The following ZSWIM5 variants were observed in gnomAD, a reference collection of about 807,000 sequenced individuals.
ZSWIM5 encodes zinc finger SWIM domain-containing protein 5.
In ZSWIM5, 55 loss-of-function variants were observed where a neutral mutation model predicts 119.6. That is an observed-to-expected ratio of 0.46 (90% CI 0.37 to 0.58). The LOEUF is 0.58. Among genes scored for constraint, ZSWIM5 ranks in the 20% least tolerant of loss-of-function variants. The pLI is 0.00. For synonymous variants in ZSWIM5, 537 were observed against 606.9 expected, an observed-to-expected ratio of 0.88 and a Z score of 1.69; for missense variants, 1,193 against 1,512.8, an observed-to-expected ratio of 0.79 and a Z score of 3.51.
At chr1:45,044,445 C>T (rs1334321951) in intron 5 of ZSWIM5, among the ~76,000 whole-genome samples, 2 of 150,768 alleles carry the variant, frequency 1.3e-5, no homozygotes, top group East Asian at 2.0e-4. Context: ...AAAATTGGGC[C>T]GGGTGCGGTG....
At chr1:45,201,067 A>C (rs1213106207) in intron 1 of ZSWIM5, among the ~76,000 whole-genome samples, 1 of 152,174 alleles carries the variant, frequency 6.6e-6, no homozygotes, top group Non-Finnish European at 1.5e-5. Flanking sequence ...GGCCATGTGA[A>C]AACAGACACA....
intron 2 of ZSWIM5, among the ~76,000 whole-genome samples, chr1:45,076,811 TCTGA>T (rs1402154503): frequency 6.6e-6 from 1 of 151,998 alleles, no homozygotes; most frequent in Non-Finnish European, 1.5e-5. Flanking sequence ...TTTCGTCTCC[TCTGA>T]CTGTGAATTT....
intron 2 of ZSWIM5, among the ~76,000 whole-genome samples, chr1:45,079,925 C>G (rs1645279028): frequency 6.6e-6 from 1 of 152,116 alleles, no homozygotes; most frequent in East Asian, 1.9e-4. Context: ...GTACAGGGAG[C>G]TAGGGCCTGG....
intron 10 of ZSWIM5, 147 bp downstream of exon 10, chr1:45,035,541 A>G (rs916329070): frequency 2.0e-5 from 21 of 1,046,664 alleles, no homozygotes; most frequent in Non-Finnish European, 2.4e-5. Context: ...TCATATAAAA[A>G]TATCTGAGCC....
Position 45,019,975 on chromosome 1 carries a change from A to G in ZSWIM5, c.2695+91T>C. The G allele has an allele frequency of 9.2e-7, 1 of 1,087,356 alleles. No homozygotes were observed. Among genetic ancestry groups the G allele is most frequent in the Non-Finnish European group, 1.4e-6 (1 of 720,732 alleles). 67.4% of individuals were successfully genotyped at this position (1,087,356 alleles called of 1,614,324 possible). A position where few individuals can be genotyped will look rare whatever the true frequency, so the allele number is the denominator to read the frequency against. On this transcript the variant is annotated intron_variant, in intron 13 of 13. Coordinates refer to ENST00000359600, the MANE Select transcript of ZSWIM5 (RefSeq NM_020883.2). This position sits in a 1 kb window ranked among gnomAD's most constrained non-coding sequence, Gnocchi z 5.0. ...CTGATGGACCTAAGATCTCATAGGAATATGAGAGCTCTAAGGATTGATTGT... is the reference window on the plus strand; with the variant it reads ...CTGATGGACCTAAGATCTCATAGGAGTATGAGAGCTCTAAGGATTGATTGT...
chr1:45,048,069 CCTTTT>C (rs1345742405), intron 5 of ZSWIM5, among the ~76,000 whole-genome samples: 4 of 119,262 alleles, frequency 3.4e-5, no homozygotes, highest in African/African-American at 1.3e-4. Flanking sequence ...TTCTTTCTTT[CCTTTT>C]CTTTTCTCTT....
intron 1 of ZSWIM5, among the ~76,000 whole-genome samples, chr1:45,148,751 A>G (rs144945783): frequency 1.2e-4 from 18 of 152,364 alleles, no homozygotes; most frequent in African/African-American, 4.1e-4. Flanking sequence ...TAAAAGGAGC[A>G]GACAAAGCTA....
At chr1:45,024,844 G>A (rs747552679) in intron 11 of ZSWIM5, among the ~76,000 whole-genome samples, 59 of 150,626 alleles carry the variant, frequency 3.9e-4, no homozygotes, top group Non-Finnish European at 7.0e-4. Flanking sequence ...TAGTAGAGAT[G>A]AGGTTTCACC....
chr1:45,103,806 C>A (rs1645454236), intron 1 of ZSWIM5, among the ~76,000 whole-genome samples: 1 of 152,208 alleles, frequency 6.6e-6, no homozygotes. Context: ...CAGTGCAGCC[C>A]TTTGACACCA....
intron 10 of ZSWIM5, 106 bp from the exon 11 acceptor site, chr1:45,034,575 A>G (rs1354110046): frequency 7.5e-7 from 1 of 1,340,858 alleles, no homozygotes; most frequent in East Asian, 2.3e-5. Flanking sequence ...AGAGGAAAGG[A>G]TTAACTAAGA....
chr1:45,103,590 G>C (rs1384788043), intron 1 of ZSWIM5, among the ~76,000 whole-genome samples: 1 of 152,178 alleles, frequency 6.6e-6, no homozygotes, highest in Non-Finnish European at 1.5e-5. Context: ...ATTCTACAAA[G>C]ACAGAGAGTC....
At chr1:45,185,961 T>C (rs1343436737) in intron 1 of ZSWIM5, among the ~76,000 whole-genome samples, 11 of 152,122 alleles carry the variant, frequency 7.2e-5, no homozygotes, top group Admixed American at 2.6e-4. Context: ...CGTATGTTTA[T>C]TGCGGCATTA....
At chr1:45,145,596 T>C (rs187041395) in intron 1 of ZSWIM5, among the ~76,000 whole-genome samples, 31 of 152,062 alleles carry the variant, frequency 2.0e-4, no homozygotes, top group African/African-American at 7.0e-4. Context: ...TCCATTTATA[T>C]AACATTCTTA....
intron 4 of ZSWIM5, among the ~76,000 whole-genome samples, chr1:45,056,168 G>A (rs1645120375): frequency 6.6e-6 from 1 of 152,152 alleles, no homozygotes; most frequent in African/African-American, 2.4e-5. Flanking sequence ...ATGGAGGGGA[G>A]CAAATGGAAA....
chr1:45,160,965 G>A (rs1221512360), intron 1 of ZSWIM5, among the ~76,000 whole-genome samples: 1 of 145,536 alleles, frequency 6.9e-6, no homozygotes, highest in African/African-American at 2.5e-5. Context: ...GGGACTACAA[G>A]CGCCTGCCAC....
At chr1:45,036,755 G>GA (rs992838726) in intron 8 of ZSWIM5, among the ~76,000 whole-genome samples, 10 of 151,756 alleles carry the variant, frequency 6.6e-5, no homozygotes, top group African/African-American at 2.4e-4. Context: ...AAAATATACT[G>GA]AAAAAAAGGT....
At chr1:45,117,243 G>C (rs991123130) in intron 1 of ZSWIM5, among the ~76,000 whole-genome samples, 1 of 152,222 alleles carries the variant, frequency 6.6e-6, no homozygotes, top group Non-Finnish European at 1.5e-5. Context: ...TGTAGCAAGA[G>C]TGTTTGTATC....
At chr1:45,176,592 A>G (rs1464885635) in intron 1 of ZSWIM5, among the ~76,000 whole-genome samples, 2 of 152,044 alleles carry the variant, frequency 1.3e-5, no homozygotes, top group Non-Finnish European at 2.9e-5. Flanking sequence ...ACTTTTTCTG[A>G]TAGTGAGAAA....
chr1:45,087,277 T>C (rs1645336578), intron 2 of ZSWIM5, among the ~76,000 whole-genome samples: 1 of 152,242 alleles, frequency 6.6e-6, no homozygotes, highest in Admixed American at 6.5e-5. Flanking sequence ...CTGTCTGTTG[T>C]TGCTACTAGG....
Sources: allele counts gnomAD v4.1 joint callset (sites outside exome capture counted in the v4.1 genomes callset), GRCh38; gene constraint gnomAD v4.1.1; non-coding constraint Gnocchi (gnomAD v3.1); transcripts MANE v1.5; gene names NCBI Gene and HGNC (gene_info 2026-07-23, HGNC 2026-07-21).